The following ITGAM variants were observed in gnomAD, a reference collection of about 807,000 sequenced individuals.
The protein encoded by ITGAM is integrin alpha-M.
In ITGAM, 79 loss-of-function variants were observed where a neutral mutation model predicts 137.5. The observed-to-expected ratio is 0.57, with a 90% CI of 0.48 to 0.69. The LOEUF (loss-of-function observed/expected upper bound fraction) is 0.69, where lower values mean the gene tolerates loss of function less well. Among genes scored for constraint, ITGAM ranks in the 30% least tolerant of loss-of-function variants. ITGAM has a pLI of 0.00. For missense variants in ITGAM, 1,343 were observed against 1,483.5 expected (o/e 0.91, Z 1.56); for synonymous variants, 583 against 592.3 (o/e 0.98, Z 0.23).
intron 22 of ITGAM, among the ~76,000 whole-genome samples, chr16:31,327,727 T>A (rs1226889909): frequency 6.6e-6 from 1 of 151,982 alleles, no homozygotes; most frequent in African/African-American, 2.4e-5. Context: ...GACGGGAAGA[T>A]CAGGGTGTGT....
intron 9 of ITGAM, among the ~76,000 whole-genome samples, chr16:31,276,130 T>C (rs1175374457): frequency 1.3e-5 from 2 of 152,180 alleles, no homozygotes; most frequent in Non-Finnish European, 2.9e-5. Flanking sequence ...ATGGCTTATC[T>C]TGAAAAGCTG....
chr16:31,281,123 T>C (rs1334215486), intron 12 of ITGAM, among the ~76,000 whole-genome samples: 2 of 152,204 alleles, frequency 1.3e-5, no homozygotes, highest in Non-Finnish European at 2.9e-5. Context: ...AGTTTGTCAG[T>C]ATTTTATTGA....
chr16:31,288,714 TA>T (rs937859301), intron 12 of ITGAM, among the ~76,000 whole-genome samples: 10 of 152,198 alleles, frequency 6.6e-5, no homozygotes, highest in Admixed American at 1.3e-4. Flanking sequence ...ACTTCATGTC[TA>T]AAACACCAAA....
Position 31,284,928 on chromosome 16 carries a change from A to T in ITGAM, c.1356+6819A>T, listed in dbSNP as rs1011037924. On this transcript the variant is annotated intron_variant, in intron 12 of 29. Coordinates refer to ENST00000544665, the MANE Select transcript of ITGAM (RefSeq NM_000632.4). ...TGGCTCATGCCTGTAATACCAGTGT[A>T]GCAGGACAAGCTGCATACAAAACCC... Among the ~76,000 whole-genome samples the T allele has an allele frequency of 6.4e-4, 97 of 152,246 alleles. 1 individual carries two copies. Among genetic ancestry groups the T allele is most frequent in the African/African-American group, 2.3e-3 (96 of 41,536 alleles).
intron 24 of ITGAM, 125 bp from the exon 25 acceptor site, chr16:31,329,673 A>T: frequency 1.4e-6 from 1 of 716,574 alleles, no homozygotes; most frequent in Non-Finnish European, 2.4e-6. Flanking sequence ...TGTACACTCT[A>T]CTCTCTCAAA....
chr16:31,289,010 A>G (rs2080058835), intron 12 of ITGAM, among the ~76,000 whole-genome samples: 1 of 152,250 alleles, frequency 6.6e-6, no homozygotes, highest in South Asian at 2.1e-4. Flanking sequence ...AAAAATGCTC[A>G]TCATCACTGG....
intron 14 of ITGAM, among the ~76,000 whole-genome samples, chr16:31,314,757 T>C (rs1255904341): frequency 6.6e-6 from 1 of 151,928 alleles, no homozygotes; most frequent in Non-Finnish European, 1.5e-5. Context: ...TTTCACAAGA[T>C]CAGCTACAGC....
At chr16:31,260,730 G>A (rs958561512) in intron 1 of ITGAM, among the ~76,000 whole-genome samples, 5 of 152,196 alleles carry the variant, frequency 3.3e-5, no homozygotes, top group East Asian at 1.9e-4. Context: ...AGGACTGGAC[G>A]TGCCCCACGA....
rs1029011378 is a variant in ITGAM, at chr16:31,324,427, C to T, written c.2031C>T (p.Asp677=). The T allele has an allele frequency of 1.9e-5, 30 of 1,552,950 alleles. No homozygotes were observed. Among genetic ancestry groups the T allele is most frequent in the Middle Eastern group, 1.7e-4 (1 of 6,016 alleles). Residue 677 remains aspartate (D), a synonymous_variant, in exon 17 of 30, where the codon GAC becomes GAT. Coordinates refer to ENST00000544665, the MANE Select transcript of ITGAM (RefSeq NM_000632.4). This position sits in a 1 kb window ranked among gnomAD's most constrained non-coding sequence, Gnocchi z 4.5. ...AGATCCAGAGTGTTGTGACTTATGACCTGGCTCTGGACTCCGGCCGCCCAC... is the reference window on the plus strand; with the variant it reads ...AGATCCAGAGTGTTGTGACTTATGATCTGGCTCTGGACTCCGGCCGCCCAC... ...EGQIQSVVTY[D]LALDSGRPHS...
rs185778371 is a variant in ITGAM, at chr16:31,268,984, A to G, written c.428-1970A>G. Among the ~76,000 whole-genome samples, 3 of 152,338 alleles carry G rather than the reference A, an allele frequency of 2.0e-5. No homozygotes were observed. In the East Asian group the frequency reaches 5.8e-4, roughly 29 times the overall value. On this transcript the variant is annotated intron_variant, in intron 5 of 29. Transcript: ENST00000544665. Reference sequence around the variant, plus strand: ...GCGATAGAGAAAGAATAATTCACACAGAGCCAGCTATGCAGGGGACCAGAG... The same window carrying G: ...GCGATAGAGAAAGAATAATTCACACGGAGCCAGCTATGCAGGGGACCAGAG...
At chr16:31,328,121 G>C (rs370298050) in intron 22 of ITGAM, 26 bp from the exon 23 acceptor site, 2 of 1,577,252 alleles carry the variant, frequency 1.3e-6, no homozygotes, top group Non-Finnish European at 1.7e-6. Context: ...CTCAAGAGCC[G>C]GCTGGAGCTC....
chr16:31,292,054 T>C (rs1413472062), intron 12 of ITGAM, among the ~76,000 whole-genome samples: 1 of 152,056 alleles, frequency 6.6e-6, no homozygotes, highest in East Asian at 1.9e-4. Context: ...ATGTTCCCTA[T>C]AAATATGTGC....
At chr16:31,277,862 C>A (rs1332709476) in intron 11 of ITGAM, 105 bp from the exon 12 acceptor site, 1 of 1,191,400 alleles carries the variant, frequency 8.4e-7, no homozygotes, top group Non-Finnish European at 1.2e-6. Flanking sequence ...GTTACCCCAA[C>A]ACAGCAAGCG....
chr16:31,326,972 C>T (rs775393460), intron 22 of ITGAM, 37 bp downstream of exon 22: 62 of 1,468,322 alleles, frequency 4.2e-5, no homozygotes, highest in Non-Finnish European at 5.7e-5. Flanking sequence ...GGCAGTTGCC[C>T]GTCTGACGCC....
Position 31,324,903 on chromosome 16 carries a change from C to A in ITGAM, c.2290-55C>A. 1.3e-6 allele frequency: 2 copies of A among 1,544,862 alleles called. No homozygotes were observed. Among genetic ancestry groups the A allele is most frequent in the Non-Finnish European group, 1.8e-6 (2 of 1,137,378 alleles). On this transcript the variant is annotated intron_variant, in intron 18 of 29. Coordinates refer to ENST00000544665, the MANE Select transcript of ITGAM (RefSeq NM_000632.4). This position sits in a 1 kb window ranked among gnomAD's most constrained non-coding sequence, Gnocchi z 4.5. ...AACATTTGATTTTATTGTTTAATTTCACAATACTTGGTTATTTTCTTTCCT... is the reference window on the plus strand; with the variant it reads ...AACATTTGATTTTATTGTTTAATTTAACAATACTTGGTTATTTTCTTTCCT...
chr16:31,265,295 G>T (rs2079751756), intron 2 of ITGAM, 100 bp from the exon 3 acceptor site: 1 of 527,516 alleles, frequency 1.9e-6, no homozygotes, highest in Non-Finnish European at 3.3e-6. Context: ...TAGGAATCCG[G>T]GTATGGGCCC....
intron 12 of ITGAM, among the ~76,000 whole-genome samples, chr16:31,296,597 G>A (rs771136953): frequency 5.3e-5 from 8 of 152,218 alleles, no homozygotes; most frequent in East Asian, 1.9e-4. Context: ...CAGAAATCAC[G>A]TTGCAGAGCC....
chr16:31,284,758 A>C (rs2080009857), intron 12 of ITGAM, among the ~76,000 whole-genome samples: 1 of 152,156 alleles, frequency 6.6e-6, no homozygotes, highest in Admixed American at 6.6e-5. Context: ...AGATGAACCC[A>C]GTACCTCAGT....
rs2080576014 is a variant in ITGAM, at chr16:31,331,106, A to G, written c.3277-59A>G. 7.9e-6 allele frequency: 7 copies of G among 886,238 alleles called. No individual in the cohort carries two copies. In the Admixed American group the frequency reaches 1.3e-4, roughly 17 times the overall value. 54.9% of individuals were successfully genotyped at this position (886,238 alleles called of 1,614,324 possible). ...TGATTCAGGGGTGCACACGGTGTGA[A>G]TGGGGAACCCCCAGAAATCCAGAGT... On this transcript the variant is annotated intron_variant, in intron 28 of 29. Transcript: ENST00000544665.
Sources: allele counts gnomAD v4.1 joint callset (sites outside exome capture counted in the v4.1 genomes callset), GRCh38; gene constraint gnomAD v4.1.1; non-coding constraint Gnocchi (gnomAD v3.1); transcripts MANE v1.5; gene names NCBI Gene and HGNC (gene_info 2026-07-23, HGNC 2026-07-21).